TRPM6: variants seen among roughly 807,000 people sequenced by gnomAD.
TRPM6 encodes transient receptor potential cation channel subfamily M member 6.
A neutral mutation model predicts 247.6 loss-of-function variants in TRPM6; 111 were observed. That is an observed-to-expected ratio of 0.45 (90% CI 0.38 to 0.52). The LOEUF (loss-of-function observed/expected upper bound fraction) is 0.52. TRPM6 is among the 20% of genes least tolerant of loss of function. The probability of loss-of-function intolerance (pLI) is 0.00; values close to 1 mark genes in which losing one functional copy is unlikely to be tolerated. For synonymous variants in TRPM6, 892 were observed against 853.8 expected, an observed-to-expected ratio of 1.04 and a Z score of -0.78; for missense variants, 2,126 against 2,421.5, an observed-to-expected ratio of 0.88 and a Z score of 2.56.
At chr9:74,826,279 C>T (rs1038268617) in intron 7 of TRPM6, among the ~76,000 whole-genome samples, 17 of 152,232 alleles carry the variant, frequency 1.1e-4, no homozygotes, top group African/African-American at 4.1e-4. Flanking sequence ...GCCAAGGTCA[C>T]AGGCACAAAA....
At chr9:74,785,724 C>T (rs1827631827) in intron 21 of TRPM6, 150 bp downstream of exon 21, 8 of 860,386 alleles carry the variant, frequency 9.3e-6, no homozygotes, top group East Asian at 5.1e-5. Context: ...GGGGTTTCAC[C>T]CTGTTAGCCA....
rs570329611 is a variant in TRPM6 at position 74,815,239 on chromosome 9, G to C, written c.1308+1430C>G. Among the ~76,000 whole-genome samples, 3 of 151,956 alleles carry C rather than the reference G, an allele frequency of 2.0e-5. No homozygotes were observed. The South Asian group carries it at 6.2e-4, about 32-fold the overall frequency. ...CACAACAACACACAGCATAACACTG[G>C]AAAAGAAAGATTTTTTTAACTTCCA... On this transcript the variant is annotated intron_variant, in intron 11 of 38. Coordinates refer to ENST00000360774, the MANE Select transcript of TRPM6 (RefSeq NM_017662.5).
chr9:74,818,889 A>G (rs998139516), intron 9 of TRPM6, among the ~76,000 whole-genome samples: 2 of 152,122 alleles, frequency 1.3e-5, no homozygotes, highest in African/African-American at 4.8e-5. Flanking sequence ...CAGGTACTCA[A>G]ATATTACCAA....
At chr9:74,858,335 T>C (rs1245221430) in intron 2 of TRPM6, among the ~76,000 whole-genome samples, 6 of 152,156 alleles carry the variant, frequency 3.9e-5, no homozygotes, top group African/African-American at 1.4e-4. Flanking sequence ...TGCAGTGAGC[T>C]GAGATTGCGC....
chr9:74,813,288 G>A (rs2117915217), intron 11 of TRPM6, among the ~76,000 whole-genome samples: 1 of 152,324 alleles, frequency 6.6e-6, no homozygotes, highest in African/African-American at 2.4e-5. Flanking sequence ...TTGGAAGCTG[G>A]AAAGCAGATG....
At chr9:74,725,982 C>T (rs1432933023) in intron 38 of TRPM6, among the ~76,000 whole-genome samples, 1 of 152,168 alleles carries the variant, frequency 6.6e-6, no homozygotes, top group African/African-American at 2.4e-5. Flanking sequence ...GGCTACAGAG[C>T]CTATGCCCTT....
chr9:74,809,836 C>T (rs1587530788), intron 13 of TRPM6, among the ~76,000 whole-genome samples: 1 of 151,686 alleles, frequency 6.6e-6, no homozygotes, highest in African/African-American at 2.4e-5. Flanking sequence ...GAAAAGTTGC[C>T]GGGTGTGGTG....
At chr9:74,773,032 T>C (rs916295494) in intron 24 of TRPM6, among the ~76,000 whole-genome samples, 2 of 151,846 alleles carry the variant, frequency 1.3e-5, no homozygotes, top group African/African-American at 4.8e-5. Context: ...GAGGCTGAGG[T>C]GGGAGAAACA....
intron 20 of TRPM6, among the ~76,000 whole-genome samples, chr9:74,787,422 C>T (rs532832669): frequency 6.6e-5 from 10 of 151,264 alleles, no homozygotes; most frequent in African/African-American, 2.2e-4. Flanking sequence ...GTCAGACAAA[C>T]AGAAATGTAA....
intron 1 of TRPM6, among the ~76,000 whole-genome samples, chr9:74,875,587 A>C (rs1831173900): frequency 6.6e-6 from 1 of 152,138 alleles, no homozygotes; most frequent in South Asian, 2.1e-4. Flanking sequence ...TGCAGTCTAT[A>C]AAGCCTTATG....
At chr9:74,858,627 G>T in intron 2 of TRPM6, 42 bp downstream of exon 2, 1 of 1,263,406 alleles carries the variant, frequency 7.9e-7, no homozygotes, top group East Asian at 2.3e-5. Context: ...AGTCCATCAG[G>T]TAGTGTTGCT....
At chr9:74,845,977 A>T (rs192622643) in intron 3 of TRPM6, among the ~76,000 whole-genome samples, 76 of 152,228 alleles carry the variant, frequency 5.0e-4, no homozygotes, top group African/African-American at 1.7e-3. Context: ...TGGATGATTT[A>T]AAAAAAATTT....
At chr9:74,860,631 T>A (rs1830665773) in intron 1 of TRPM6, among the ~76,000 whole-genome samples, 1 of 152,176 alleles carries the variant, frequency 6.6e-6, no homozygotes, top group Non-Finnish European at 1.5e-5. Context: ...AGTGCTGGGA[T>A]AACAGGCATG....
Position 74,839,902 on chromosome 9 carries a change from G to GAGGGAGGGAGGGAGGGAGGC in TRPM6, c.544+121_544+122insGCCTCCCTCCCTCCCTCCCT. ...GGAAGGAAGGAAGGAAGGAGGGAGG[G>GAGGGAGGGAGGGAGGGAGGC]AGGGAGGGAGGGAGGGAAAGAAAAG... is the stretch of plus-strand genomic sequence containing the variant. On this transcript the variant is annotated intron_variant, in intron 5 of 38. Transcript: ENST00000360774. 3 of 633,558 alleles carry GAGGGAGGGAGGGAGGGAGGC rather than the reference G, an allele frequency of 4.7e-6. No homozygotes were observed. The African/African-American group carries it at 7.8e-5, about 17-fold the overall frequency. The allele number at this position is 633,558 out of a possible 1,614,324, so 39.2% of individuals were successfully genotyped here.
intron 3 of TRPM6, among the ~76,000 whole-genome samples, chr9:74,842,579 G>T (rs963678108): frequency 6.6e-6 from 1 of 152,082 alleles, no homozygotes; most frequent in African/African-American, 2.4e-5. Context: ...TTAAAGGCAG[G>T]AATACCTTGG....
At chr9:74,859,749 G>T (rs1454826643) in intron 1 of TRPM6, among the ~76,000 whole-genome samples, 2 of 151,296 alleles carry the variant, frequency 1.3e-5, no homozygotes, top group African/African-American at 4.9e-5. Context: ...ACTCTGGCCT[G>T]GGTGGCAGAG....
Position 74,775,266 on chromosome 9 carries a change from C to T in TRPM6, c.3403+617G>A, listed in dbSNP as rs548862460. Among the ~76,000 whole-genome samples the T allele has an allele frequency of 2.6e-5, 4 of 152,256 alleles. No individual in the cohort carries two copies. The South Asian group carries it at 8.3e-4, about 32-fold the overall frequency. On this transcript the variant is annotated intron_variant, in intron 24 of 38. Transcript: ENST00000360774. ...ATTCACAGGCATGATCATGGTGCAC[C>T]CCAGCTTTAAACTTCTGAGCTCAAG...
chr9:74,815,606 G>A (rs555299057), intron 11 of TRPM6, among the ~76,000 whole-genome samples: 3 of 152,262 alleles, frequency 2.0e-5, no homozygotes, highest in African/African-American at 7.2e-5. Flanking sequence ...GCACCAGGAG[G>A]AGAAGGAAAC....
intron 16 of TRPM6, 68 bp downstream of exon 16, chr9:74,801,830 G>A: frequency 6.4e-7 from 1 of 1,572,544 alleles, no homozygotes. Context: ...AAAGATGAGA[G>A]AGATAAAAGT....
Sources: gnomAD v4.1 joint callset for allele counts (sites outside exome capture counted in the v4.1 genomes callset) on GRCh38, gnomAD v4.1.1 for gene constraint, MANE v1.5 for transcripts, NCBI Gene and HGNC (gene_info 2026-07-23, HGNC 2026-07-21) for gene names.